Variants in HMG20A observed in about 807,000 individuals in gnomAD.
The protein encoded by HMG20A is high mobility group 20A.
HMG20A carries 17 observed loss-of-function variants against 43.9 expected under a neutral mutation model. That is an observed-to-expected ratio of 0.39 (90% confidence interval 0.27 to 0.58). The LOEUF is 0.58. Ranked by LOEUF, HMG20A falls within the 20% of genes least tolerant of loss-of-function variation. HMG20A has a pLI of 0.59. For missense variants in HMG20A, 341 were observed against 438.2 expected, an observed-to-expected ratio of 0.78 and a Z score of 1.98; for synonymous variants, 132 against 147.5, an observed-to-expected ratio of 0.89 and a Z score of 0.76.
At chr15:77,450,135 T>A (rs1440045274) in intron 1 of HMG20A, among the ~76,000 whole-genome samples, 1 of 152,180 alleles carries the variant, frequency 6.6e-6, no homozygotes, top group Non-Finnish European at 1.5e-5. Flanking sequence ...TTTATTTTTT[T>A]ATTTGTTTTT....
chr15:77,492,033 G>A, the HMG20A span, among the ~76,000 whole-genome samples: 270 of 152,320 alleles, frequency 1.8e-3, no homozygotes, highest in African/African-American at 5.8e-3. Flanking sequence ...TTTCTGCCAC[G>A]AGCTGCTTTG....
chr15:77,444,912 A>T (rs1298829050), intron 1 of HMG20A, among the ~76,000 whole-genome samples: 3 of 152,224 alleles, frequency 2.0e-5, no homozygotes, highest in Non-Finnish European at 2.9e-5. Context: ...AAGACCACTA[A>T]CTGCTTTGCC....
Position 77,467,221 on chromosome 15 carries a change from C to T in HMG20A, c.364C>T (p.Arg122Ter). The change falls in exon 4 of 10, where the codon CGA becomes TGA. Residue 122 changes from arginine (R) to a stop codon, truncating the protein, a stop_gained. Transcript: ENST00000336216. LOFTEE classifies it high-confidence loss of function. Reference protein sequence around the residue: ...RFMNERREQLRAKRPEVPFPE... With the variant: ...RFMNERREQL The stretch of plus-strand genomic sequence containing the variant: ...CATGAATGAGCGTCGAGAACAACTT[C>T]GAGCAAAGAGACCAGAAGTCCCATT... The T allele has an allele frequency of 6.2e-7, 1 of 1,614,102 alleles. No individual in the cohort carries two copies. The highest frequency in any genetic ancestry group is 8.5e-7 in the Non-Finnish European group (1 of 1,179,996).
chr15:77,441,304 A>C (rs2073610402), intron 1 of HMG20A, among the ~76,000 whole-genome samples: 1 of 152,136 alleles, frequency 6.6e-6, no homozygotes, highest in South Asian at 2.1e-4. Flanking sequence ...ATATGAACAG[A>C]ATTCAGAAGT....
At chr15:77,513,225 C>A in the HMG20A span, among the ~76,000 whole-genome samples, 1 of 152,210 alleles carries the variant, frequency 6.6e-6, no homozygotes, top group Non-Finnish European at 1.5e-5. Flanking sequence ...CCTACCTTCA[C>A]TGGCTGCAAT....
the HMG20A span, among the ~76,000 whole-genome samples, chr15:77,504,117 T>C: frequency 2.6e-5 from 4 of 152,252 alleles, no homozygotes; most frequent in Non-Finnish European, 2.9e-5. Context: ...CTGCCTTTGC[T>C]GACCAAGAGT....
At chr15:77,427,409 A>C (rs1340929433) in intron 1 of HMG20A, among the ~76,000 whole-genome samples, 2 of 152,168 alleles carry the variant, frequency 1.3e-5, no homozygotes, top group African/African-American at 4.8e-5. Flanking sequence ...AAGCATGGGT[A>C]GTTCTAGATA....
At chr15:77,458,667 A>G (rs1291396577) in intron 2 of HMG20A, 171 bp downstream of exon 2, 1 of 474,776 alleles carries the variant, frequency 2.1e-6, no homozygotes, top group Non-Finnish European at 3.7e-6. Context: ...ATCTGCATTC[A>G]ATTATCTTTT....
At chr15:77,431,352 C>T (rs891504449) in intron 1 of HMG20A, among the ~76,000 whole-genome samples, 1 of 152,114 alleles carries the variant, frequency 6.6e-6, no homozygotes. Context: ...GCTGGGATTA[C>T]AGGTGCATGC....
the HMG20A span, among the ~76,000 whole-genome samples, chr15:77,500,379 A>G: frequency 6.6e-6 from 1 of 152,152 alleles, no homozygotes; most frequent in Non-Finnish European, 1.5e-5. Flanking sequence ...CAGGTGGACC[A>G]ATGTTATATT....
chr15:77,465,260 CA>C (rs71145837), intron 3 of HMG20A, among the ~76,000 whole-genome samples: 1,097 of 59,132 alleles, frequency 0.019, 2 homozygotes, highest in African/African-American at 0.063. Flanking sequence ...GACTTCGTCT[CA>C]AAAAAAAAAA....
At chr15:77,518,458 T>C in the HMG20A span, among the ~76,000 whole-genome samples, 1 of 152,168 alleles carries the variant, frequency 6.6e-6, no homozygotes, top group Non-Finnish European at 1.5e-5. Context: ...TCTCCACAAC[T>C]GTACACAGGC....
At chr15:77,425,151 C>T (rs1308432507) in intron 1 of HMG20A, among the ~76,000 whole-genome samples, 1 of 152,194 alleles carries the variant, frequency 6.6e-6, no homozygotes, top group African/African-American at 2.4e-5. Context: ...AAACTGTACA[C>T]GTTCTGTCCA....
chr15:77,499,747 C>T, the HMG20A span, among the ~76,000 whole-genome samples: 1 of 152,190 alleles, frequency 6.6e-6, no homozygotes, highest in Non-Finnish European at 1.5e-5. Context: ...CCCCTCTTAA[C>T]TCCCCTCCAC....
intron 4 of HMG20A, among the ~76,000 whole-genome samples, chr15:77,469,242 A>G (rs1459142130): frequency 6.6e-6 from 1 of 151,144 alleles, no homozygotes; most frequent in East Asian, 1.9e-4. Flanking sequence ...CGATTTAAGA[A>G]CATACAAACA....
downstream of HMG20A, among the ~76,000 whole-genome samples, chr15:77,486,301 C>T (rs2072945224): frequency 1.5e-5 from 2 of 137,752 alleles, no homozygotes; most frequent in Admixed American, 1.6e-4. Context: ...GCTCTTGTTG[C>T]CCAGCCTGGA....
the HMG20A span, among the ~76,000 whole-genome samples, chr15:77,499,767 C>G: frequency 6.6e-6 from 1 of 152,180 alleles, no homozygotes; most frequent in African/African-American, 2.4e-5. Flanking sequence ...CCAGTTCGTC[C>G]TGCACACCAC....
the HMG20A span, among the ~76,000 whole-genome samples, chr15:77,507,073 C>T: frequency 3.3e-5 from 5 of 152,240 alleles, no homozygotes; most frequent in Non-Finnish European, 5.9e-5. Flanking sequence ...ACAGAATAAA[C>T]GCCTGAGTAA....
the HMG20A span, among the ~76,000 whole-genome samples, chr15:77,493,384 A>G: frequency 6.6e-6 from 1 of 152,158 alleles, no homozygotes; most frequent in African/African-American, 2.4e-5. Flanking sequence ...AGGAGCTGAA[A>G]GAAAACCAGG....
Sources: gnomAD v4.1 joint callset for allele counts (sites outside exome capture counted in the v4.1 genomes callset) on GRCh38, gnomAD v4.1.1 for gene constraint, MANE v1.5 for transcripts, NCBI Gene and HGNC (gene_info 2026-07-23, HGNC 2026-07-21) for gene names.